Variants in NUDT18 observed in about 807,000 individuals in gnomAD.
The protein encoded by NUDT18 is 8-oxo-dGDP phosphatase NUDT18.
In NUDT18, 26 loss-of-function variants were observed where a neutral mutation model predicts 27.6. The observed-to-expected ratio is 0.94, with a 90% confidence interval of 0.69 to 1.31. The LOEUF (loss-of-function observed/expected upper bound fraction) is 1.31, where lower values mean the gene tolerates loss of function less well. NUDT18 is among the 50% of genes most tolerant of loss of function. The probability of loss-of-function intolerance (pLI) is 0.00; values close to 1 mark genes in which losing one functional copy is unlikely to be tolerated. For synonymous variants in NUDT18, 220 were observed against 196.9 expected, an observed-to-expected ratio of 1.12 and a Z score of -0.98; for missense variants, 450 against 433.4, an observed-to-expected ratio of 1.04 and a Z score of -0.34.
At chr8:22,108,483 C>T in intron 1 of NUDT18, 137 bp from the exon 2 acceptor site, 1 of 686,262 alleles carries the variant, frequency 1.5e-6, no homozygotes, top group South Asian at 1.8e-5. Context: ...GGAGACCTGC[C>T]CTCGTGTCGC....
intron 1 of NUDT18, among the ~76,000 whole-genome samples, chr8:22,108,606 G>A (rs1826409867): frequency 6.6e-6 from 1 of 152,240 alleles, no homozygotes; most frequent in Non-Finnish European, 1.5e-5. Context: ...TGGAGATGAG[G>A]CCCCAGAGTG....
intron 1 of NUDT18, among the ~76,000 whole-genome samples, 180 bp from the exon 2 acceptor site, chr8:22,108,526 G>T (rs1294073552): frequency 6.6e-6 from 1 of 152,190 alleles, no homozygotes; most frequent in Non-Finnish European, 1.5e-5. Context: ...TCTGCAATTC[G>T]TCTCTCTCTG....
chr8:22,108,434 C>G, intron 1 of NUDT18, 88 bp from the exon 2 acceptor site: 1 of 1,215,306 alleles, frequency 8.2e-7, no homozygotes. Flanking sequence ...GCCCAAGACT[C>G]CCCTCTGGGT....
chr8:22,107,492 C>A lies in NUDT18; in HGVS notation c.780G>T (p.Leu260=). Residue 260 remains leucine, a synonymous_variant, in exon 3 of 3, where the codon CTG becomes CTT. Coordinates refer to ENST00000611621, the MANE Select transcript of NUDT18 (RefSeq NM_024815.4). ...AGATGCCATCACTGTGATCTCGGCCCAGGTGCTGCAGTCCAAGCAACCCCT... is the reference window on the plus strand; with the variant it reads ...AGATGCCATCACTGTGATCTCGGCCAAGGTGCTGCAGTCCAAGCAACCCCT... The part of the protein sequence containing the change: ...EIKGLLGLQH[L]GRDHSDGICL... 6.2e-7 allele frequency: 1 copy of A among 1,613,176 alleles called. No individual in the cohort carries two copies. The highest frequency in any genetic ancestry group is 1.6e-4 in the Middle Eastern group (1 of 6,062).
chr8:22,109,369 G>GCTGAGGAGCCCGCTCCCAGTCC lies in NUDT18; in HGVS notation c.-70_-69insGGACTGGGAGCGGGCTCCTCAG. 2.8e-6 allele frequency: 2 copies of GCTGAGGAGCCCGCTCCCAGTCC among 712,736 alleles called. No homozygotes were observed. Among genetic ancestry groups the GCTGAGGAGCCCGCTCCCAGTCC allele is most frequent in the Non-Finnish European group, 3.6e-6 (2 of 557,176 alleles). The allele number at this position is 712,736 out of a possible 1,614,324, so 44.2% of individuals were successfully genotyped here. ...TGAGCCGAGCCGCGGGCTAGAGTGCGCTGCGGAGCCCGCTCCCAGTCCCTG... is the reference window on the plus strand; with the variant it reads ...TGAGCCGAGCCGCGGGCTAGAGTGCGCTGAGGAGCCCGCTCCCAGTCCCTGCGGAGCCCGCTCCCAGTCCCTG... On this transcript the variant is annotated 5_prime_UTR_variant, in exon 1 of 3. Coordinates refer to ENST00000611621, the MANE Select transcript of NUDT18 (RefSeq NM_024815.4).
chr8:22,106,895 C>G lies in NUDT18; in HGVS notation c.*405G>C, dbSNP rs537421605. On this transcript the variant is annotated 3_prime_UTR_variant, in exon 3 of 3. Coordinates refer to ENST00000611621, the MANE Select transcript of NUDT18 (RefSeq NM_024815.4). Reference sequence around the variant, plus strand: ...AGGCAAGGTGAGTAACACCTCTTTACTCAGCAACGTGCTCCTCCCTCGGGG... The same window carrying G: ...AGGCAAGGTGAGTAACACCTCTTTAGTCAGCAACGTGCTCCTCCCTCGGGG... 1 of 170,692 alleles carries G rather than the reference C, an allele frequency of 5.9e-6. No homozygotes were observed. The highest frequency in any genetic ancestry group is 2.4e-5 in the African/African-American group (1 of 42,108). 10.6% of individuals were successfully genotyped at this position (170,692 alleles called of 1,614,324 possible).
upstream of NUDT18, chr8:22,109,558 T>TG (rs532654277): frequency 1.2e-3 from 614 of 491,596 alleles, 5 homozygotes; most frequent in South Asian, 5.6e-3. Flanking sequence ...GCCCTGGAAC[T>TG]GGGGGGGCAC....
chr8:22,108,437 C>G, intron 1 of NUDT18, 91 bp from the exon 2 acceptor site: 1 of 1,175,152 alleles, frequency 8.5e-7, no homozygotes, highest in Non-Finnish European at 1.2e-6. Context: ...CAAGACTCCC[C>G]TCTGGGTGGA....
In NUDT18 at chr8:22,109,378, C is replaced by CCCGCTCCCAGTCCCTGCGGCGA. The variant is rs1554579101; in HGVS notation, c.-79_-78insTCGCCGCAGGGACTGGGAGCGG. ...CCGCGGGCTAGAGTGCGCTGCGGAG[C>CCCGCTCCCAGTCCCTGCGGCGA]CCGCTCCCAGTCCCTGCGGCAGCGG... is the stretch of plus-strand genomic sequence containing the variant. On this transcript the variant is annotated 5_prime_UTR_variant, in exon 1 of 3. Coordinates refer to ENST00000611621, the MANE Select transcript of NUDT18 (RefSeq NM_024815.4). The CCCGCTCCCAGTCCCTGCGGCGA allele has an allele frequency of 4.2e-5, 50 of 1,195,396 alleles. 1 individual carries two copies. The highest frequency in any genetic ancestry group is 6.0e-4 in the Middle Eastern group (2 of 3,332). 74.0% of individuals were successfully genotyped at this position (1,195,396 alleles called of 1,614,324 possible).
Position 22,109,141 on chromosome 8 carries a change from G to C in NUDT18, c.160C>G (p.Gln54Glu). The C allele has an allele frequency of 2.8e-6, 4 of 1,434,442 alleles. No individual in the cohort carries two copies. The highest frequency in any genetic ancestry group is 2.7e-6 in the Non-Finnish European group (3 of 1,105,376). 88.9% of individuals were successfully genotyped at this position (1,434,442 alleles called of 1,614,324 possible). Residue 54 changes from glutamine (Q) to glutamate (E), a missense_variant and splice_region_variant, in exon 1 of 3, where the codon CAG (glutamine) becomes GAG (glutamate). Gln to Glu is a conservative substitution (Grantham distance 29). Transcript: ENST00000611621. ...CGGGCCCGGGGGCGGCCGCTCACCT[G>C]CTCGCTGAGGAACACGGCCAGCACC... ...YVVLAVFLSE[Q>E]DEVLLIQEAK... is the part of the protein sequence containing the mutation.
chr8:22,108,062 C>T, intron 2 of NUDT18, 71 bp downstream of exon 2: 1 of 1,413,738 alleles, frequency 7.1e-7, no homozygotes, highest in South Asian at 1.5e-5. Context: ...TGTAGAGGGG[C>T]TCACCTCACC....
chr8:22,110,157 C>T (rs1270510700), upstream of NUDT18, among the ~76,000 whole-genome samples: 1 of 152,200 alleles, frequency 6.6e-6, no homozygotes, highest in East Asian at 1.9e-4. Flanking sequence ...ACCGCATTTC[C>T]CACGCAGCTC....
chr8:22,108,200 C>A lies in NUDT18; in HGVS notation c.309G>T (p.Glu103Asp). Reference protein sequence around the residue: ...KEEAGLHCEPETLLSVEERGP... With the variant: ...KEEAGLHCEPDTLLSVEERGP... ...CCCGCTCCTCCACGGACAGCAGTGTCTCGGGCTCACAGTGCAGCCCCGCCT... is the reference window on the plus strand; with the variant it reads ...CCCGCTCCTCCACGGACAGCAGTGTATCGGGCTCACAGTGCAGCCCCGCCT... Residue 103 changes from glutamate (E) to aspartate (D), a missense_variant, in exon 2 of 3, where the codon GAG becomes GAT. Coordinates refer to ENST00000611621, the MANE Select transcript of NUDT18 (RefSeq NM_024815.4). 2 of 1,592,608 alleles carry A rather than the reference C, an allele frequency of 1.3e-6. No homozygotes were observed. Among genetic ancestry groups the A allele is most frequent in the East Asian group, 2.3e-5 (1 of 44,024 alleles).
At chr8:22,108,013 C>T in intron 2 of NUDT18, 118 bp from the exon 3 acceptor site, 1 of 1,355,854 alleles carries the variant, frequency 7.4e-7, no homozygotes. Context: ...AGGCTGGAAT[C>T]TGCCCATGCC....
intron 1 of NUDT18, 48 bp downstream of exon 1, chr8:22,109,091 C>A: frequency 7.4e-7 from 1 of 1,348,466 alleles, no homozygotes; most frequent in Non-Finnish European, 9.5e-7. Flanking sequence ...CCCACCTGGG[C>A]TGGCTGCGCG....
Position 22,109,198 on chromosome 8 carries a change from G to T in NUDT18, c.103C>A (p.Pro35Thr). The T allele has an allele frequency of 6.9e-7, 1 of 1,448,290 alleles. No individual in the cohort carries two copies. The highest frequency in any genetic ancestry group is 2.8e-5 in the Admixed American group (1 of 35,110). The allele number at this position is 1,448,290 out of a possible 1,614,324, so 89.7% of individuals were successfully genotyped here. A position where few individuals can be genotyped will look rare whatever the true frequency, so the allele number is the denominator to read the frequency against. Residue 35 changes from proline (P) to threonine (T), a missense_variant, in exon 1 of 3, where the codon CCC (proline) becomes ACC (threonine). Physicochemically the swap from Pro to Thr is conservative, Grantham distance 38. Transcript: ENST00000611621. Reference sequence around the variant, plus strand: ...CACACGTTCTTCCGCAGCCGCACGGGCGCCGGCGGCTCCCCGGCCGGCGCC... The same window carrying T: ...CACACGTTCTTCCGCAGCCGCACGGTCGCCGGCGGCTCCCCGGCCGGCGCC... ...DSAPAGEPPA[P>T]VRLRKNVCYV...
chr8:22,109,368 C>T lies in NUDT18; in HGVS notation c.-68G>A, dbSNP rs1454122472. 2.3e-6 allele frequency: 3 copies of T among 1,319,334 alleles called. No individual in the cohort carries two copies. The highest frequency in any genetic ancestry group is 1.9e-6 in the Non-Finnish European group (2 of 1,034,436). The allele number at this position is 1,319,334 out of a possible 1,614,324, so 81.7% of individuals were successfully genotyped here. A position where few individuals can be genotyped will look rare whatever the true frequency, so the allele number is the denominator to read the frequency against. ...CTGAGCCGAGCCGCGGGCTAGAGTGCGCTGCGGAGCCCGCTCCCAGTCCCT... is the reference window on the plus strand; with the variant it reads ...CTGAGCCGAGCCGCGGGCTAGAGTGTGCTGCGGAGCCCGCTCCCAGTCCCT... On this transcript the variant is annotated 5_prime_UTR_variant, in exon 1 of 3. Coordinates refer to ENST00000611621, the MANE Select transcript of NUDT18 (RefSeq NM_024815.4).
chr8:22,109,664 C>T (rs772759083), upstream of NUDT18: 3 of 467,064 alleles, frequency 6.4e-6, no homozygotes, highest in Admixed American at 4.7e-5. Context: ...GCCAACTCCC[C>T]GAGCGCGCAC....
In NUDT18 at chr8:22,107,572, C is replaced by A; in HGVS notation, c.700G>T (p.Val234Phe). ...MEQRGGMKMA[V>F]LRLLQECLTL... ...AGACACTCCTGCAGCAGCCGCAGGA[C>A]GGCCATCTTCATGCCACCCCTCTGC... The change falls in exon 3 of 3, where the codon GTC becomes TTC. Residue 234 changes from valine to phenylalanine, a missense_variant. Transcript: ENST00000611621. The A allele has an allele frequency of 6.2e-7, 1 of 1,613,170 alleles. No homozygotes were observed. The highest frequency in any genetic ancestry group is 1.3e-5 in the African/African-American group (1 of 75,050).
Sources: allele counts gnomAD v4.1 joint callset (sites outside exome capture counted in the v4.1 genomes callset), GRCh38; gene constraint gnomAD v4.1.1; transcripts MANE v1.5; gene names NCBI Gene and HGNC (gene_info 2026-07-23, HGNC 2026-07-21).